The following C5orf22 variants were observed in gnomAD, a reference collection of about 807,000 sequenced individuals.
C5orf22 encodes chromosome 5 open reading frame 22.
Under a neutral mutation model 48.7 loss-of-function variants are expected in C5orf22, and 36 were observed. That is an observed-to-expected ratio of 0.74 (90% CI 0.57 to 0.98). The LOEUF (loss-of-function observed/expected upper bound fraction) is 0.98. Ranked by LOEUF, C5orf22 falls within the 50% of genes least tolerant of loss-of-function variation. The pLI is 0.00. For synonymous variants in C5orf22, 141 were observed against 180.8 expected (o/e 0.78, Z 1.76); for missense variants, 486 against 521.9 (o/e 0.93, Z 0.67).
chr5:31,551,227 T>G, intron 7 of C5orf22, 66 bp from the exon 8 acceptor site: 1 of 1,494,874 alleles, frequency 6.7e-7, no homozygotes, highest in Non-Finnish European at 9.1e-7. Flanking sequence ...ATAAGGCCAT[T>G]AATGATTAAA....
Position 31,541,308 on chromosome 5 carries a change from C to T in C5orf22, c.898C>T (p.Arg300Ter), listed in dbSNP as rs778701297. 1.2e-6 allele frequency: 2 copies of T among 1,610,020 alleles called. No homozygotes were observed. Among genetic ancestry groups the T allele is most frequent in the South Asian group, 1.1e-5 (1 of 90,976 alleles). ...AGATTTGGTAGATATTGTTGATACT[C>T]GAATTCATCAATTAGAGGATTTAGA... is the stretch of plus-strand genomic sequence containing the variant. The part of the protein sequence containing the change: ...EEDLVDIVDT[R>*]IHQLEDLEAT... Residue 300 changes from arginine (R) to a stop codon, truncating the protein, a stop_gained, in exon 6 of 9, where the codon CGA becomes TGA. Transcript: ENST00000325366. LOFTEE classifies it high-confidence loss of function.
At chr5:31,551,902 G>A (rs1219541432) in intron 8 of C5orf22, among the ~76,000 whole-genome samples, 1 of 152,176 alleles carries the variant, frequency 6.6e-6, no homozygotes, top group Non-Finnish European at 1.5e-5. Flanking sequence ...ATCTCTGTAG[G>A]TAAATAACCT....
At chr5:31,536,008 C>A in intron 3 of C5orf22, 115 bp downstream of exon 3, 1 of 998,730 alleles carries the variant, frequency 1.0e-6, no homozygotes. Flanking sequence ...TAAGCCTCGA[C>A]TTCTCCAAAG....
Position 31,540,996 on chromosome 5 carries a change from C to T in C5orf22, c.855C>T (p.Gly285=), listed in dbSNP as rs751006239. The T allele has an allele frequency of 2.0e-5, 33 of 1,611,426 alleles. No homozygotes were observed. Among genetic ancestry groups the T allele is most frequent in the Non-Finnish European group, 2.8e-5 (33 of 1,178,042 alleles). Residue 285 remains glycine (G), a synonymous_variant, in exon 5 of 9, where the codon GGC becomes GGT. Transcript: ENST00000325366. The part of the protein sequence containing the change: ...LQELYQFKKP[G]TNLTEEDLVD... ...AGCTGTACCAATTTAAGAAACCTGG[C>T]ACCAACCTAACAGAGGTATCCTCCA...
At chr5:31,542,295 CA>C (rs762874710) in intron 6 of C5orf22, among the ~76,000 whole-genome samples, 465 of 130,982 alleles carry the variant, frequency 3.6e-3, no homozygotes, top group Middle Eastern at 3.9e-3. Flanking sequence ...CTAAAAATAC[CA>C]AAAAAAAAAA....
intron 8 of C5orf22, 110 bp from the exon 9 acceptor site, chr5:31,552,663 C>A: frequency 1.1e-6 from 1 of 924,178 alleles, no homozygotes. Flanking sequence ...ATCCAAAGTT[C>A]AGCACACCTT....
At chr5:31,548,097 T>C (rs1580457845) in intron 7 of C5orf22, among the ~76,000 whole-genome samples, 1 of 151,612 alleles carries the variant, frequency 6.6e-6, no homozygotes, top group Admixed American at 6.6e-5. Context: ...AGGCCAGGAG[T>C]TCAAGACCAA....
chr5:31,544,698 G>A (rs566150019), intron 6 of C5orf22, among the ~76,000 whole-genome samples: 2 of 152,326 alleles, frequency 1.3e-5, no homozygotes, highest in South Asian at 4.2e-4. Context: ...ACACTTGGGA[G>A]GCTAAGGTGG....
At chr5:31,532,627 G>C (rs984759348) in intron 1 of C5orf22, among the ~76,000 whole-genome samples, 154 bp downstream of exon 1, 4 of 152,056 alleles carry the variant, frequency 2.6e-5, no homozygotes, top group Non-Finnish European at 4.4e-5. Context: ...CCCCAAAACA[G>C]CTAACTAGGA....
chr5:31,551,432 G>A lies in C5orf22; in HGVS notation c.1199G>A (p.Arg400Lys). ...AATCCTACTCTTGTGACAATTGCAA[G>A]GTAAGTGTGTTCAGCAGAATAATGG... ...LPNPTLVTIARSSLDDYCPSD... is the reference protein window; with the variant it reads ...LPNPTLVTIAKSSLDDYCPSD... Residue 400 changes from arginine (R) to lysine (K), a missense_variant and splice_region_variant, in exon 8 of 9, where the codon AGG (arginine) becomes AAG (lysine). Around this residue, in one of 3 missense-constraint regions of C5orf22, gnomAD observed 408 missense variants for 444.0 expected, o/e 0.92. Transcript: ENST00000325366. 6.2e-7 allele frequency: 1 copy of A among 1,607,946 alleles called. No individual in the cohort carries two copies. The highest frequency in any genetic ancestry group is 2.2e-5 in the East Asian group (1 of 44,760).
intron 6 of C5orf22, among the ~76,000 whole-genome samples, 172 bp from the exon 7 acceptor site, chr5:31,545,474 G>A (rs1307693519): frequency 2.0e-5 from 3 of 152,124 alleles, no homozygotes; most frequent in African/African-American, 7.2e-5. Context: ...AAGAAAACAG[G>A]AAACATTTAT....
chr5:31,547,148 G>A (rs933998920), intron 7 of C5orf22, among the ~76,000 whole-genome samples: 2 of 152,238 alleles, frequency 1.3e-5, no homozygotes, highest in East Asian at 1.9e-4. Context: ...CAAGTCTGAA[G>A]TCCATCAGGG....
intron 6 of C5orf22, 109 bp from the exon 7 acceptor site, chr5:31,545,537 C>CCATA (rs1742830187): frequency 2.6e-6 from 2 of 756,390 alleles, no homozygotes; most frequent in African/African-American, 1.8e-5. Context: ...TCCCAAGTGC[C>CCATA]ATATGAAGCA....
In C5orf22 at chr5:31,549,165, G is replaced by T. The variant is rs1255497099; in HGVS notation, c.1060-2128G>T. On this transcript the variant is annotated intron_variant, in intron 7 of 8. Transcript: ENST00000325366. ...ACCCAGGAGGTGGAGTTTGCAGTGA[G>T]CCAAGATCATGCCATTGTACTCCAG... Among the ~76,000 whole-genome samples the T allele has an allele frequency of 3.3e-5, 5 of 152,164 alleles. No individual in the cohort carries two copies. In the East Asian group the frequency reaches 9.6e-4, roughly 29 times the overall value.
At chr5:31,549,751 C>G (rs1419045760) in intron 7 of C5orf22, among the ~76,000 whole-genome samples, 3 of 152,032 alleles carry the variant, frequency 2.0e-5, no homozygotes, top group African/African-American at 7.3e-5. Flanking sequence ...TGGTGCACAC[C>G]TGTAGTCCCA....
In C5orf22 at chr5:31,553,891, A is replaced by G. The variant is rs539393463; in HGVS notation, c.*989A>G. On this transcript the variant is annotated 3_prime_UTR_variant, in exon 9 of 9. Coordinates refer to ENST00000325366, the MANE Select transcript of C5orf22 (RefSeq NM_018356.3). ...GTAGATATCAATAATATAGTGCCTAAGTGCCACTTTATTGCCAAGTCTAGA... is the reference window on the plus strand; with the variant it reads ...GTAGATATCAATAATATAGTGCCTAGGTGCCACTTTATTGCCAAGTCTAGA... 2 of 152,328 alleles carry G rather than the reference A, an allele frequency of 1.3e-5. No homozygotes were observed. The highest frequency in any genetic ancestry group is 3.9e-4 in the East Asian group (2 of 5,184). The allele number at this position is 152,328 out of a possible 1,614,324, so 9.4% of individuals were successfully genotyped here. A position where few individuals can be genotyped will look rare whatever the true frequency, so the allele number is the denominator to read the frequency against.
At chr5:31,551,640 G>A (rs1251744865) in intron 8 of C5orf22, among the ~76,000 whole-genome samples, 1 of 152,166 alleles carries the variant, frequency 6.6e-6, no homozygotes, top group African/African-American at 2.4e-5. Flanking sequence ...GTCAGAATCA[G>A]AGAGAGTGAT....
intron 4 of C5orf22, among the ~76,000 whole-genome samples, chr5:31,540,210 T>C (rs538300356): frequency 1.3e-5 from 2 of 152,342 alleles, no homozygotes; most frequent in African/African-American, 2.4e-5. Flanking sequence ...AGGATTGTTA[T>C]AATGAATAAA....
intron 4 of C5orf22, among the ~76,000 whole-genome samples, chr5:31,539,266 T>G (rs1420775423): frequency 6.6e-6 from 1 of 152,170 alleles, no homozygotes; most frequent in Non-Finnish European, 1.5e-5. Flanking sequence ...CTACACTATT[T>G]TATGTCAGGG....
Sources: allele counts gnomAD v4.1 joint callset (sites outside exome capture counted in the v4.1 genomes callset), GRCh38; gene constraint gnomAD v4.1.1; regional missense constraint gnomAD v4.1.1; transcripts MANE v1.5; gene names NCBI Gene and HGNC (gene_info 2026-07-23, HGNC 2026-07-21).